The following CXXC4 variants were observed in gnomAD, a reference collection of about 807,000 sequenced individuals.
The protein encoded by CXXC4 is CXXC-type zinc finger protein 4.
Under a neutral mutation model 20.5 loss-of-function variants are expected in CXXC4, and 5 were observed. The ratio of observed to expected loss-of-function variants is 0.24; its 90% CI spans 0.13 to 0.51. The LOEUF (loss-of-function observed/expected upper bound fraction) is 0.51. Ranked by LOEUF, CXXC4 falls within the 20% of genes least tolerant of loss-of-function variation. The pLI is 0.97. For synonymous variants in CXXC4, 250 were observed against 216.4 expected (o/e 1.16, Z -1.36); for missense variants, 419 against 496.4 (o/e 0.84, Z 1.48).
intron 2 of CXXC4, among the ~76,000 whole-genome samples, chr4:104,473,252 T>C (rs1191723172): frequency 6.6e-6 from 1 of 151,738 alleles, no homozygotes; most frequent in Admixed American, 6.6e-5. Context: ...TCAAAGTGAG[T>C]TTGTATTTTC....
chr4:104,475,336 T>C (rs1282858275), intron 2 of CXXC4: 1 of 151,956 alleles, frequency 6.6e-6, no homozygotes, highest in African/African-American at 2.4e-5. Context: ...AATTAGAAAA[T>C]AATCAAGGCA....
At chr4:104,487,117 A>G (rs1177073560) in intron 2 of CXXC4, among the ~76,000 whole-genome samples, 1 of 152,166 alleles carries the variant, frequency 6.6e-6, no homozygotes, top group Non-Finnish European at 1.5e-5. Flanking sequence ...GTAAAGAAAA[A>G]AAATGGAACC....
At chr4:104,493,545 A>T (rs1736962008) in intron 1 of CXXC4, among the ~76,000 whole-genome samples, 1 of 152,212 alleles carries the variant, frequency 6.6e-6, no homozygotes, top group South Asian at 2.1e-4. Context: ...AGAGGGGTTT[A>T]TGTAAACAAA....
At chr4:104,482,649 A>T (rs1313590790) in intron 2 of CXXC4, among the ~76,000 whole-genome samples, 1 of 152,126 alleles carries the variant, frequency 6.6e-6, no homozygotes, top group East Asian at 1.9e-4. Flanking sequence ...AGTTCTCGCC[A>T]TTTCCACATG....
intron 2 of CXXC4, among the ~76,000 whole-genome samples, chr4:104,485,953 TTTTA>T (rs1389916446): frequency 1.3e-5 from 2 of 152,118 alleles, no homozygotes; most frequent in Admixed American, 6.6e-5. Flanking sequence ...GCCACACGAC[TTTTA>T]TTTCTTTCAT....
In CXXC4 at chr4:104,473,472, T is replaced by C. The variant is rs543659400; in HGVS notation, c.1060-1106A>G. ...ATGGTAGTTAAGCTTGAATTTTCTA[T>C]GTACATTAACATCTAATAATTCCTC... is the stretch of plus-strand genomic sequence containing the variant. On this transcript the variant is annotated intron_variant, in intron 2 of 2. Transcript: ENST00000394767. Among the ~76,000 whole-genome samples the C allele has an allele frequency of 3.9e-5, 6 of 152,040 alleles. No individual in the cohort carries two copies. In the South Asian group the frequency reaches 6.2e-4, roughly 16 times the overall value.
At chr4:104,493,458 T>C (rs1578325696) in intron 1 of CXXC4, among the ~76,000 whole-genome samples, 1 of 152,306 alleles carries the variant, frequency 6.6e-6, no homozygotes, top group East Asian at 1.9e-4. Context: ...ATTATGCTTA[T>C]AATTAGGTTA....
In CXXC4 at chr4:104,491,758, G is replaced by A; in HGVS notation, c.45C>T (p.Ala15=). 3.3e-6 allele frequency: 5 copies of A among 1,534,156 alleles called. No individual in the cohort carries two copies. Among genetic ancestry groups the A allele is most frequent in the Non-Finnish European group, 4.4e-6 (5 of 1,139,252 alleles). The change falls in exon 2 of 3, where the codon GCC becomes GCT. Residue 15 remains alanine (A), a synonymous_variant. Transcript: ENST00000394767. ...AGTGGCTTTCCTTGGGCAAGCCCGG[G>A]GCCTCCGGGCTCGGCCCGGGCTCCA... The part of the protein sequence containing the change: ...VCVEPGPSPE[A]PGLPKESHLP...
intron 1 of CXXC4, among the ~76,000 whole-genome samples, chr4:104,493,678 T>G (rs1333521596): frequency 2.0e-5 from 3 of 152,174 alleles, no homozygotes; most frequent in South Asian, 2.1e-4. Context: ...TGGTTTCGCA[T>G]TAGGGAAAAC....
intron 2 of CXXC4, among the ~76,000 whole-genome samples, chr4:104,485,366 A>G (rs758179540): frequency 2.6e-5 from 4 of 152,112 alleles, no homozygotes; most frequent in Non-Finnish European, 4.4e-5. Flanking sequence ...ATATTTCTAT[A>G]TGACAAATGC....
At chr4:104,492,605 T>C (rs185889374) in intron 1 of CXXC4, among the ~76,000 whole-genome samples, 2 of 152,006 alleles carry the variant, frequency 1.3e-5, no homozygotes, top group Admixed American at 1.3e-4. Flanking sequence ...ACAATACAAC[T>C]GAGAGCTAAG....
chr4:104,474,804 A>C (rs1736361970), intron 2 of CXXC4, among the ~76,000 whole-genome samples: 1 of 152,124 alleles, frequency 6.6e-6, no homozygotes, highest in Non-Finnish European at 1.5e-5. Context: ...TTACGAAGAT[A>C]AACAGCAAAA....
At chr4:104,484,776 G>A (rs545440994) in intron 2 of CXXC4, among the ~76,000 whole-genome samples, 26 of 152,054 alleles carry the variant, frequency 1.7e-4, no homozygotes, top group Middle Eastern at 3.4e-3. Flanking sequence ...AATGGCTGTC[G>A]CATCTGAAGT....
chr4:104,473,475 A>T (rs1046669254), intron 2 of CXXC4, among the ~76,000 whole-genome samples: 6 of 151,920 alleles, frequency 3.9e-5, no homozygotes, highest in African/African-American at 1.4e-4. Context: ...TTTTCTATGT[A>T]CATTAACATC....
chr4:104,477,879 T>C (rs1369938893), intron 2 of CXXC4, among the ~76,000 whole-genome samples: 3 of 152,154 alleles, frequency 2.0e-5, no homozygotes, highest in Non-Finnish European at 4.4e-5. Flanking sequence ...ATTCATTTAT[T>C]ACATAACTGT....
At chr4:104,494,643 T>C (rs1736991771) in intron 1 of CXXC4, 58 bp downstream of exon 1, 1 of 116,118 alleles carries the variant, frequency 8.6e-6, no homozygotes, top group Non-Finnish European at 1.8e-5. Flanking sequence ...ACTTTAATAC[T>C]TGTAAACAAA....
chr4:104,474,317 C>T (rs937665437), intron 2 of CXXC4, among the ~76,000 whole-genome samples: 1 of 151,992 alleles, frequency 6.6e-6, no homozygotes. Flanking sequence ...GTGAGAAAAA[C>T]TTCTTTACTA....
intron 2 of CXXC4, 75 bp from the exon 3 acceptor site, chr4:104,472,441 A>G (rs537461126): frequency 9.7e-7 from 1 of 1,032,388 alleles, no homozygotes; most frequent in East Asian, 2.4e-5. Context: ...TCTCCTTTAC[A>G]CTTCAGCAAT....
At chr4:104,484,887 T>C (rs775594294) in intron 2 of CXXC4, among the ~76,000 whole-genome samples, 1 of 151,980 alleles carries the variant, frequency 6.6e-6, no homozygotes, top group Non-Finnish European at 1.5e-5. Context: ...AGGACAGGTG[T>C]TTGCATGTGA....
Sources: gnomAD v4.1 joint callset for allele counts (sites outside exome capture counted in the v4.1 genomes callset) on GRCh38, gnomAD v4.1.1 for gene constraint, MANE v1.5 for transcripts, NCBI Gene and HGNC (gene_info 2026-07-23, HGNC 2026-07-21) for gene names.